The following MTF1 variants were observed in gnomAD, a reference collection of about 807,000 sequenced individuals.
MTF1 encodes the protein MRE-binding transcription factor.
In MTF1, 22 loss-of-function variants were observed where a neutral mutation model predicts 70.4. The observed-to-expected ratio is 0.31, with a 90% CI of 0.22 to 0.45. The LOEUF (loss-of-function observed/expected upper bound fraction) is 0.45. Ranked by LOEUF, MTF1 falls within the 20% of genes least tolerant of loss-of-function variation. The probability of loss-of-function intolerance (pLI) is 1.00; values close to 1 mark genes in which losing one functional copy is unlikely to be tolerated. For synonymous variants in MTF1, 333 were observed against 352.8 expected, an observed-to-expected ratio of 0.94 and a Z score of 0.63; for missense variants, 649 against 922.0, an observed-to-expected ratio of 0.70 and a Z score of 3.83.
chr1:37,858,898 T>C (rs959320474), intron 1 of MTF1, among the ~76,000 whole-genome samples: 18 of 152,176 alleles, frequency 1.2e-4, no homozygotes, highest in African/African-American at 4.3e-4. Flanking sequence ...AATTTTAAAA[T>C]AATCAGCACA....
At chr1:37,836,681 C>T (rs1641174929) in intron 4 of MTF1, among the ~76,000 whole-genome samples, 1 of 152,158 alleles carries the variant, frequency 6.6e-6, no homozygotes, top group African/African-American at 2.4e-5. Context: ...ACAGGATCCA[C>T]GTAGCTCTTT....
Position 37,853,869 on chromosome 1 carries a change from G to C in MTF1, c.408+3382C>G, listed in dbSNP as rs140065125. On this transcript the variant is annotated intron_variant, in intron 2 of 10. Transcript: ENST00000373036. ...AATTTCTGCTTCTATGCTATAAATC[G>C]ACTACCACAATCATTTGCAACATCC... 3.3e-3 allele frequency among the ~76,000 whole-genome samples: 497 copies of C among 152,148 alleles called. 2 individuals carry two copies. Among genetic ancestry groups the C allele is most frequent in the African/African-American group, 0.011 (476 of 41,494 alleles).
At chr1:37,831,648 C>T (rs532047974) in intron 7 of MTF1, among the ~76,000 whole-genome samples, 1 of 152,272 alleles carries the variant, frequency 6.6e-6, no homozygotes, top group East Asian at 1.9e-4. Context: ...AATTTCCTAA[C>T]AGCTTGAATC....
In MTF1 at chr1:37,817,498, G is replaced by T. The variant is rs1330865028; in HGVS notation, c.1768-16C>A. 6.3e-7 allele frequency: 1 copy of T among 1,596,846 alleles called. No individual in the cohort carries two copies. Among genetic ancestry groups the T allele is most frequent in the Non-Finnish European group, 8.6e-7 (1 of 1,164,636 alleles). On this transcript the variant is annotated splice_polypyrimidine_tract_variant and intron_variant, in intron 9 of 10. Coordinates refer to ENST00000373036, the MANE Select transcript of MTF1 (RefSeq NM_005955.3). Reference sequence around the variant, plus strand: ...ATGCTTGCTGCTGAAAAAAGAAAAAGAAATCTCATTTATAGCCACTGTAAT... The same window carrying T: ...ATGCTTGCTGCTGAAAAAAGAAAAATAAATCTCATTTATAGCCACTGTAAT...
intron 7 of MTF1, among the ~76,000 whole-genome samples, 153 bp from the exon 8 acceptor site, chr1:37,823,965 A>C (rs1251737577): frequency 6.6e-6 from 1 of 152,196 alleles, no homozygotes; most frequent in Non-Finnish European, 1.5e-5. Flanking sequence ...GTATTTTCTT[A>C]AGCCTTAGAC....
At chr1:37,822,967 G>A (rs1052890132) in intron 8 of MTF1, among the ~76,000 whole-genome samples, 3 of 152,140 alleles carry the variant, frequency 2.0e-5, no homozygotes, top group Non-Finnish European at 2.9e-5. Flanking sequence ...GTGTCTTAAG[G>A]CTTTTCTGGA....
At chr1:37,823,457 T>C (rs1413598576) in intron 8 of MTF1, among the ~76,000 whole-genome samples, 1 of 150,442 alleles carries the variant, frequency 6.6e-6, no homozygotes, top group East Asian at 1.9e-4. Context: ...AAAAAAAATG[T>C]AGAAGAAAAA....
chr1:37,846,160 T>C (rs1017450391), intron 2 of MTF1, among the ~76,000 whole-genome samples: 1 of 152,116 alleles, frequency 6.6e-6, no homozygotes, highest in Non-Finnish European at 1.5e-5. Flanking sequence ...GTGCTAGGAA[T>C]ACATATAAAA....
At chr1:37,816,919 G>C (rs980715735) in intron 10 of MTF1, among the ~76,000 whole-genome samples, 1 of 152,172 alleles carries the variant, frequency 6.6e-6, no homozygotes, top group Non-Finnish European at 1.5e-5. Context: ...GGGGAGGCCT[G>C]ACAACTAGTG....
At position 37,835,651 on chromosome 1, in the gene MTF1, A is replaced by G; in HGVS notation, c.853+20T>C. 2 of 1,610,012 alleles carry G rather than the reference A, an allele frequency of 1.2e-6. No homozygotes were observed. Among genetic ancestry groups the G allele is most frequent in the Non-Finnish European group, 1.7e-6 (2 of 1,176,276 alleles). On this transcript the variant is annotated intron_variant, in intron 5 of 10. Transcript: ENST00000373036. ...TTGATAGTTACAGGCTTGATGAAAC[A>G]AAAATTGGCCTAAACTCACCAGTAT...
rs2148397904 is a variant in MTF1, at chr1:37,815,946, C to G, written c.1832-380G>C. The stretch of plus-strand genomic sequence containing the variant: ...ACTAAAATCCCTGGACACCTCTCTT[C>G]TGGAGAACTGACACTCATCTTTCAA... On this transcript the variant is annotated intron_variant, in intron 10 of 10. Transcript: ENST00000373036. This position sits in a 1 kb window ranked among gnomAD's most constrained non-coding sequence, Gnocchi z 4.5. Among the ~76,000 whole-genome samples, 1 of 152,312 alleles carries G rather than the reference C, an allele frequency of 6.6e-6. No individual in the cohort carries two copies. Among genetic ancestry groups the G allele is most frequent in the East Asian group, 1.9e-4 (1 of 5,188 alleles).
intron 1 of MTF1, 150 bp from the exon 2 acceptor site, chr1:37,857,859 A>T (rs1641523379): frequency 1.7e-5 from 10 of 595,484 alleles, no homozygotes; most frequent in South Asian, 1.4e-4. Flanking sequence ...TTTTAACTTT[A>T]AAACCATCAA....
At position 37,822,719 on chromosome 1, in the gene MTF1, G is replaced by A. The variant is rs767183867; in HGVS notation, c.1172-3C>T. The stretch of plus-strand genomic sequence containing the variant: ...ATTAAAACTTTCAGTCAAGGAAGCT[G>A]GCAAGAAAAAGAAATAGAAATATAT... On this transcript the variant is annotated splice_polypyrimidine_tract_variant and splice_region_variant and intron_variant, in intron 8 of 10. Coordinates refer to ENST00000373036, the MANE Select transcript of MTF1 (RefSeq NM_005955.3). 7 of 1,599,380 alleles carry A rather than the reference G, an allele frequency of 4.4e-6. No homozygotes were observed. Among genetic ancestry groups the A allele is most frequent in the South Asian group, 2.2e-5 (2 of 90,824 alleles).
At chr1:37,832,042 C>G (rs1364377886) in intron 7 of MTF1, among the ~76,000 whole-genome samples, 11 of 152,088 alleles carry the variant, frequency 7.2e-5, no homozygotes, top group Admixed American at 7.2e-4. Flanking sequence ...AGTGAGTGAC[C>G]TGCGTCAAAA....
At chr1:37,839,834 A>T (rs1041206708) in intron 3 of MTF1, 86 bp downstream of exon 3, 2 of 1,081,348 alleles carry the variant, frequency 1.8e-6, no homozygotes, top group African/African-American at 3.1e-5. Flanking sequence ...TGAAAGTGAA[A>T]ACAACTCCTC....
intron 4 of MTF1, among the ~76,000 whole-genome samples, chr1:37,837,653 G>T (rs1477170864): frequency 1.3e-5 from 2 of 152,134 alleles, no homozygotes; most frequent in Non-Finnish European, 2.9e-5. Context: ...CTATAGGCAT[G>T]TGACACCACG....
intron 2 of MTF1, among the ~76,000 whole-genome samples, chr1:37,847,854 G>C (rs1452273994): frequency 2.0e-5 from 3 of 152,084 alleles, no homozygotes; most frequent in Non-Finnish European, 4.4e-5. Context: ...AAATTAGCCA[G>C]GTGTGGTGGC....
intron 9 of MTF1, among the ~76,000 whole-genome samples, chr1:37,819,030 G>C (rs1001821119): frequency 6.6e-5 from 10 of 151,630 alleles, no homozygotes; most frequent in Non-Finnish European, 1.3e-4. Context: ...AGAGAGGCCC[G>C]AGCTAGGATG....
intron 2 of MTF1, among the ~76,000 whole-genome samples, chr1:37,850,570 G>A (rs542517788): frequency 3.3e-5 from 5 of 150,270 alleles, no homozygotes; most frequent in Non-Finnish European, 2.9e-5. Flanking sequence ...GAGAGAAAGA[G>A]AGAGAGAGAG....
Sources: gnomAD v4.1 joint callset for allele counts (sites outside exome capture counted in the v4.1 genomes callset) on GRCh38, gnomAD v4.1.1 for gene constraint, Gnocchi (gnomAD v3.1) non-coding constraint, MANE v1.5 for transcripts, NCBI Gene and HGNC (gene_info 2026-07-23, HGNC 2026-07-21) for gene names.